Variants in COL4A1 observed in about 807,000 individuals in gnomAD.
COL4A1 encodes collagen type IV alpha 1 chain, also known as collagen alpha-1(IV) chain.
In COL4A1, 40 loss-of-function variants were observed where a neutral mutation model predicts 216.6. The ratio of observed to expected loss-of-function variants is 0.18; its 90% CI spans 0.14 to 0.24. The LOEUF (loss-of-function observed/expected upper bound fraction) is 0.24, where lower values mean the gene tolerates loss of function less well. COL4A1 is among the 10% of genes least tolerant of loss of function. The pLI is 1.00. For synonymous variants in COL4A1, 839 were observed against 810.7 expected, an observed-to-expected ratio of 1.03 and a Z score of -0.59; for missense variants, 1,628 against 2,196.8, an observed-to-expected ratio of 0.74 and a Z score of 5.18.
At chr13:110,198,866 T>C (rs1879029645) in intron 20 of COL4A1, among the ~76,000 whole-genome samples, 1 of 152,250 alleles carries the variant, frequency 6.6e-6, no homozygotes, top group South Asian at 2.1e-4. Context: ...TACGTAGATA[T>C]TAAAATCTGT....
At chr13:110,250,376 G>C (rs1001819864) in intron 1 of COL4A1, among the ~76,000 whole-genome samples, 10 of 152,082 alleles carry the variant, frequency 6.6e-5, no homozygotes, top group African/African-American at 2.4e-4. Context: ...GAAACCACAC[G>C]CCTTGAGGAA....
chr13:110,231,193 G>A (rs902973284), intron 2 of COL4A1, among the ~76,000 whole-genome samples: 1 of 152,202 alleles, frequency 6.6e-6, no homozygotes, highest in Non-Finnish European at 1.5e-5. Flanking sequence ...ATGAGACTGG[G>A]GAGCCCCACA....
chr13:110,269,181 TACCTAGAAGAAAATCCA>T (rs1883153327), intron 1 of COL4A1, among the ~76,000 whole-genome samples: 1 of 152,212 alleles, frequency 6.6e-6, no homozygotes, highest in Non-Finnish European at 1.5e-5. Context: ...AATTAACTCA[TACCTAGAAGAAAATCCA>T]TTTCCTGATG....
rs184572030 is a variant in COL4A1, at chr13:110,302,352, G to T, written c.84+4592C>A. Among the ~76,000 whole-genome samples the T allele has an allele frequency of 2.6e-5, 4 of 151,022 alleles. No homozygotes were observed. In the South Asian group the frequency reaches 8.4e-4, roughly 32 times the overall value. Reference sequence around the variant, plus strand: ...AGCAAGACAGCCAAGGGGAGGCGTCGCGTGGAAATGTGAAGACGTTGAACT... The same window carrying T: ...AGCAAGACAGCCAAGGGGAGGCGTCTCGTGGAAATGTGAAGACGTTGAACT... On this transcript the variant is annotated intron_variant, in intron 1 of 51. Coordinates refer to ENST00000375820, the MANE Select transcript of COL4A1 (RefSeq NM_001845.6).
In COL4A1 at chr13:110,178,134, G is replaced by A. The variant is rs1474061940; in HGVS notation, c.2556C>T (p.Gly852=). 6.2e-7 allele frequency: 1 copy of A among 1,614,056 alleles called. No individual in the cohort carries two copies. The highest frequency in any genetic ancestry group is 8.5e-7 in the Non-Finnish European group (1 of 1,180,052). ...CAGGGAGCCCCGACTGTCCCGTTAT[G>A]CCAGGGAGTCCTTGAGCCCCTTTAT... ...KGDKGAQGLP[G]ITGQSGLPGL... is the part of the protein sequence containing the mutation. The change falls in exon 32 of 52, where the codon GGC becomes GGT. Residue 852 remains glycine, a synonymous_variant. Coordinates refer to ENST00000375820, the MANE Select transcript of COL4A1 (RefSeq NM_001845.6).
At chr13:110,202,007 A>C (rs1454270811) in intron 18 of COL4A1, among the ~76,000 whole-genome samples, 1 of 152,076 alleles carries the variant, frequency 6.6e-6, no homozygotes, top group Non-Finnish European at 1.5e-5. Context: ...CAGCAACAAC[A>C]ACGAAAGCAT....
chr13:110,253,817 G>GTATGTATTATATATACGTATAATTATACA (rs1882385645), intron 1 of COL4A1, among the ~76,000 whole-genome samples: 2 of 135,518 alleles, frequency 1.5e-5, no homozygotes, highest in Admixed American at 1.5e-4. Context: ...ATAATTATAC[G>GTATGTATTATATATACGTATAATTATACA]TATGTATGTA....
At chr13:110,288,274 A>AATAATAATAATAATAAT (rs1555316111) in intron 1 of COL4A1, among the ~76,000 whole-genome samples, 2 of 139,458 alleles carry the variant, frequency 1.4e-5, no homozygotes, top group Admixed American at 7.1e-5. Flanking sequence ...AAAAAAAAAA[A>AATAATAATAATAATAAT]AATAATAATA....
chr13:110,167,375 A>G (rs537903878), intron 43 of COL4A1, 145 bp from the exon 44 acceptor site: 33 of 741,640 alleles, frequency 4.4e-5, no homozygotes, highest in Non-Finnish European at 5.9e-5. Context: ...GGTTTCTTAA[A>G]TGACAGAATA....
At chr13:110,214,167 C>G in intron 2 of COL4A1, 152 bp from the exon 3 acceptor site, 1 of 689,086 alleles carries the variant, frequency 1.5e-6, no homozygotes, top group South Asian at 1.7e-5. Flanking sequence ...TCTCGGCTCA[C>G]TGCAAAGTCC....
At chr13:110,261,772 G>T (rs1882837582) in intron 1 of COL4A1, among the ~76,000 whole-genome samples, 1 of 152,214 alleles carries the variant, frequency 6.6e-6, no homozygotes, top group African/African-American at 2.4e-5. Flanking sequence ...GCCAGACATT[G>T]TCTCCTAAGG....
At chr13:110,213,665 G>T in intron 4 of COL4A1, 117 bp downstream of exon 4, 1 of 1,034,648 alleles carries the variant, frequency 9.7e-7, no homozygotes, top group Non-Finnish European at 1.5e-6. Flanking sequence ...TGCTGTGTGA[G>T]CTGGGAGAGG....
chr13:110,169,750 G>C lies in COL4A1; in HGVS notation c.3755C>G (p.Pro1252Arg). The change falls in exon 43 of 52, where the codon CCC becomes CGC. Residue 1252 changes from proline (P) to arginine (R), a missense_variant. Pro to Arg is a moderately radical substitution (Grantham distance 103). Coordinates refer to ENST00000375820, the MANE Select transcript of COL4A1 (RefSeq NM_001845.6). ...CCCAGGAAGCCCTGGAGGCCCCATGGGTCCCGGAAGTCCTAATGGAAGAGA... is the reference window on the plus strand; with the variant it reads ...CCCAGGAAGCCCTGGAGGCCCCATGCGTCCCGGAAGTCCTAATGGAAGAGA... The part of the protein sequence containing the change: ...GQPGLPGLPG[P>R]MGPPGLPGID... 2 of 1,613,962 alleles carry C rather than the reference G, an allele frequency of 1.2e-6. No individual in the cohort carries two copies. The highest frequency in any genetic ancestry group is 1.7e-6 in the Non-Finnish European group (2 of 1,180,010).
intron 1 of COL4A1, among the ~76,000 whole-genome samples, chr13:110,252,754 TTA>T (rs1295678666): frequency 7.0e-6 from 1 of 142,340 alleles, no homozygotes; most frequent in Non-Finnish European, 1.5e-5. Flanking sequence ...ATACATATAA[TTA>T]TATGTATGTA....
chr13:110,258,472 A>G (rs9515175), intron 1 of COL4A1, among the ~76,000 whole-genome samples: 24,365 of 152,092 alleles, frequency 0.16, 2,245 homozygotes, highest in Non-Finnish European at 0.21. Flanking sequence ...CCCAGGAGCC[A>G]GAGGTTGCAG....
At chr13:110,256,968 T>C (rs1882607154) in intron 1 of COL4A1, among the ~76,000 whole-genome samples, 1 of 152,200 alleles carries the variant, frequency 6.6e-6, no homozygotes, top group African/African-American at 2.4e-5. Flanking sequence ...TAAAAAAATC[T>C]TCATGTTTAG....
intron 1 of COL4A1, among the ~76,000 whole-genome samples, chr13:110,290,253 A>C (rs1478713389): frequency 6.6e-6 from 1 of 152,210 alleles, no homozygotes; most frequent in South Asian, 2.1e-4. Flanking sequence ...GACACACGTG[A>C]GCGCGTTGCA....
At chr13:110,198,728 A>G (rs1879024038) in intron 20 of COL4A1, 97 bp from the exon 21 acceptor site, 2 of 1,513,766 alleles carry the variant, frequency 1.3e-6, no homozygotes, top group Admixed American at 3.4e-5. Context: ...TAAAAATCCA[A>G]CCAGACCATC....
At chr13:110,203,867 C>T (rs1879363893) in intron 17 of COL4A1, among the ~76,000 whole-genome samples, 1 of 152,170 alleles carries the variant, frequency 6.6e-6, no homozygotes, top group African/African-American at 2.4e-5. Context: ...CTTACAAAAG[C>T]CCAGATACTT....
Sources: gnomAD v4.1 joint callset for allele counts (sites outside exome capture counted in the v4.1 genomes callset) on GRCh38, gnomAD v4.1.1 for gene constraint, MANE v1.5 for transcripts, NCBI Gene and HGNC (gene_info 2026-07-23, HGNC 2026-07-21) for gene names.